The following CNTN1 variants were observed in gnomAD, a reference collection of about 807,000 sequenced individuals.
CNTN1 encodes contactin 1.
Under a neutral mutation model 126.4 loss-of-function variants are expected in CNTN1, and 38 were observed. The observed-to-expected ratio is 0.30, with a 90% CI of 0.23 to 0.39. The LOEUF is 0.39. CNTN1 is among the 10% of genes least tolerant of loss of function. The pLI is 1.00. For missense variants in CNTN1, 1,009 were observed against 1,248.4 expected, an observed-to-expected ratio of 0.81 and a Z score of 2.89; for synonymous variants, 413 against 422.6, an observed-to-expected ratio of 0.98 and a Z score of 0.28.
At chr12:40,714,128 G>T (rs185382570) in intron 1 of CNTN1, among the ~76,000 whole-genome samples, 63 of 152,170 alleles carry the variant, frequency 4.1e-4, no homozygotes, top group Non-Finnish European at 8.2e-4. Context: ...ACTTACAATT[G>T]GAATTTGACT....
At chr12:40,939,165 A>T (rs1251834921) in intron 11 of CNTN1, among the ~76,000 whole-genome samples, 170 bp from the exon 12 acceptor site, 2 of 152,230 alleles carry the variant, frequency 1.3e-5, no homozygotes, top group Non-Finnish European at 2.9e-5. Context: ...TTATTAAATA[A>T]AAGTTACAAA....
chr12:40,931,274 C>A (rs1866996), intron 7 of CNTN1, among the ~76,000 whole-genome samples: 9,894 of 151,998 alleles, frequency 0.065, 630 homozygotes, highest in African/African-American at 0.17. Flanking sequence ...TTTGACACTG[C>A]CTCTTCTGCC....
chr12:41,045,726 A>G (rs1949526424), intron 23 of CNTN1, among the ~76,000 whole-genome samples: 1 of 152,172 alleles, frequency 6.6e-6, no homozygotes, highest in Admixed American at 6.6e-5. Flanking sequence ...GTATGAGAGC[A>G]GTGCAAAGGA....
chr12:40,713,423 A>G (rs2121174864), intron 1 of CNTN1, among the ~76,000 whole-genome samples: 1 of 150,102 alleles, frequency 6.7e-6, no homozygotes, highest in South Asian at 2.1e-4. Context: ...GGTTGTTATC[A>G]TACTTGTTTA....
chr12:40,947,780 TATACACACACAC>T (rs1319453748), intron 14 of CNTN1, among the ~76,000 whole-genome samples: 1 of 67,582 alleles, frequency 1.5e-5, no homozygotes, highest in East Asian at 3.4e-4. Flanking sequence ...TATATATATA[TATACACACACAC>T]ACACACACAC....
chr12:40,943,536 GAC>G (rs1276744802), intron 12 of CNTN1, 59 bp from the exon 13 acceptor site: 1 of 1,252,984 alleles, frequency 8.0e-7, no homozygotes, highest in Non-Finnish European at 1.2e-6. Flanking sequence ...TGTAATCTAA[GAC>G]ATAATAATGT....
At chr12:40,791,586 C>T (rs982866163) in intron 1 of CNTN1, among the ~76,000 whole-genome samples, 1 of 152,124 alleles carries the variant, frequency 6.6e-6, no homozygotes, top group Non-Finnish European at 1.5e-5. Flanking sequence ...TGTAGTCATA[C>T]ACCTATATTT....
At chr12:40,954,694 A>C (rs1002545327) in intron 14 of CNTN1, among the ~76,000 whole-genome samples, 3 of 152,154 alleles carry the variant, frequency 2.0e-5, no homozygotes, top group African/African-American at 7.2e-5. Flanking sequence ...AATTCTCTTA[A>C]AGCTGTTATA....
chr12:40,996,231 A>G (rs1948212934), intron 17 of CNTN1, among the ~76,000 whole-genome samples: 1 of 151,652 alleles, frequency 6.6e-6, no homozygotes, highest in African/African-American at 2.4e-5. Flanking sequence ...TCCAGGTCTC[A>G]AGCTACCCTA....
chr12:40,707,060 A>ATG, intron 1 of CNTN1, among the ~76,000 whole-genome samples: 1 of 101,544 alleles, frequency 9.8e-6, no homozygotes, highest in South Asian at 2.6e-4. Flanking sequence ...ACACACACAC[A>ATG]CACACACACA....
At chr12:40,760,987 A>G (rs971742092) in intron 1 of CNTN1, among the ~76,000 whole-genome samples, 22 of 152,160 alleles carry the variant, frequency 1.4e-4, no homozygotes, top group African/African-American at 5.1e-4. Context: ...TCTGTCAAAT[A>G]AAATTTAGAA....
intron 1 of CNTN1, among the ~76,000 whole-genome samples, chr12:40,698,009 C>T (rs1374854141): frequency 6.6e-6 from 1 of 152,076 alleles, no homozygotes; most frequent in East Asian, 1.9e-4. Flanking sequence ...ATTTTTCACT[C>T]CTGTACTTGA....
intron 1 of CNTN1, among the ~76,000 whole-genome samples, chr12:40,899,535 CTA>C (rs1944532980): frequency 6.6e-6 from 1 of 152,172 alleles, no homozygotes; most frequent in African/African-American, 2.4e-5. Flanking sequence ...AAGAGACAGA[CTA>C]TTAAATATCA....
At chr12:41,029,485 G>A (rs925523018) in intron 23 of CNTN1, among the ~76,000 whole-genome samples, 3 of 151,944 alleles carry the variant, frequency 2.0e-5, no homozygotes, top group Admixed American at 6.6e-5. Context: ...CGAGTTTTTG[G>A]GATCCAATAT....
rs35784846 is a variant in CNTN1 at position 40,895,755 on chromosome 12, A to ATTTT, written c.-76-12585_-76-12582dup. On this transcript the variant is annotated intron_variant, in intron 1 of 23. Coordinates refer to ENST00000551295, the MANE Select transcript of CNTN1 (RefSeq NM_001843.4). Reference sequence around the variant, plus strand: ...TTAATAGTAATTCTTGTGCTTCAAGATTTTTTTTTTTTTTTTTTTTGAGAC... The same window carrying ATTTT: ...TTAATAGTAATTCTTGTGCTTCAAGATTTTTTTTTTTTTTTTTTTTTTTTGAGAC... Among the ~76,000 whole-genome samples the ATTTT allele has an allele frequency of 3.8e-3, 465 of 121,694 alleles. 4 individuals are homozygous for ATTTT. The highest frequency in any genetic ancestry group is 0.014 in the African/African-American group (432 of 31,678). The allele number at this position is 121,694 out of a possible 152,430, so 79.8% of individuals were successfully genotyped here.
intron 1 of CNTN1, among the ~76,000 whole-genome samples, chr12:40,778,965 C>T (rs895289669): frequency 1.6e-4 from 25 of 151,610 alleles, no homozygotes; most frequent in Non-Finnish European, 3.4e-4. Context: ...GTAGTTGAAA[C>T]CTTTCCTTTT....
intron 1 of CNTN1, among the ~76,000 whole-genome samples, chr12:40,728,112 C>A (rs1274758670): frequency 6.6e-6 from 1 of 152,178 alleles, no homozygotes; most frequent in Non-Finnish European, 1.5e-5. Flanking sequence ...GGGTTGAGGA[C>A]TGACATCAAC....
intron 1 of CNTN1, among the ~76,000 whole-genome samples, chr12:40,804,737 A>AT (rs755357945): frequency 4.5e-4 from 68 of 152,002 alleles, no homozygotes; most frequent in Non-Finnish European, 7.2e-4. Context: ...AGCTCTTTAT[A>AT]TTTTTTTAAT....
chr12:40,795,181 G>T (rs1202288047), intron 1 of CNTN1, among the ~76,000 whole-genome samples: 1 of 151,834 alleles, frequency 6.6e-6, no homozygotes, highest in Non-Finnish European at 1.5e-5. Context: ...GAGCCTTTCA[G>T]CCAGCCTTGG....
Sources: allele counts gnomAD v4.1 joint callset (sites outside exome capture counted in the v4.1 genomes callset), GRCh38; gene constraint gnomAD v4.1.1; transcripts MANE v1.5; gene names NCBI Gene and HGNC (gene_info 2026-07-23, HGNC 2026-07-21).